Variants in LYN observed in about 807,000 individuals in gnomAD.
The protein encoded by LYN is tyrosine-protein kinase Lyn.
Under a neutral mutation model 65.0 loss-of-function variants are expected in LYN, and 12 were observed. That is an observed-to-expected ratio of 0.18 (90% CI 0.12 to 0.30). LYN has a LOEUF of 0.30. LYN is among the 10% of genes least tolerant of loss of function. LYN has a pLI of 1.00. For synonymous variants in LYN, 222 were observed against 221.2 expected (o/e 1.00, Z -0.03); for missense variants, 380 against 623.2 (o/e 0.61, Z 4.16).
chr8:55,951,246 C>CAAA (rs146943216), intron 6 of LYN, among the ~76,000 whole-genome samples: 3 of 144,976 alleles, frequency 2.1e-5, no homozygotes, highest in African/African-American at 7.6e-5. Context: ...GGCACTGTCT[C>CAAA]AAAAAAAAAA....
At chr8:55,998,523 G>C in intron 11 of LYN, 24 bp downstream of exon 11, 1 of 1,587,696 alleles carries the variant, frequency 6.3e-7, no homozygotes, top group Non-Finnish European at 8.6e-7. Flanking sequence ...ATGATCTTTA[G>C]ATGTTTTATT....
At chr8:55,982,452 T>C (rs1807954220) in intron 10 of LYN, among the ~76,000 whole-genome samples, 1 of 152,164 alleles carries the variant, frequency 6.6e-6, no homozygotes, top group Non-Finnish European at 1.5e-5. Flanking sequence ...ATGGAACCAA[T>C]GGTGTGCTGA....
chr8:55,961,180 G>C (rs757696010), intron 8 of LYN, among the ~76,000 whole-genome samples: 1 of 152,166 alleles, frequency 6.6e-6, no homozygotes, highest in African/African-American at 2.4e-5. Flanking sequence ...TTTGTGGTAC[G>C]TGGGCACTTT....
intron 12 of LYN, among the ~76,000 whole-genome samples, chr8:56,005,679 G>A (rs1056622573): frequency 6.6e-6 from 1 of 151,856 alleles, no homozygotes; most frequent in Non-Finnish European, 1.5e-5. Flanking sequence ...TTTTTGTTTT[G>A]GGATGAATTA....
In LYN at chr8:55,951,957, C is replaced by T; in HGVS notation, c.488-9C>T. 1 of 1,608,094 alleles carries T rather than the reference C, an allele frequency of 6.2e-7. No homozygotes were observed. The highest frequency in any genetic ancestry group is 1.1e-5 in the South Asian group (1 of 89,644). The stretch of plus-strand genomic sequence containing the variant: ...ATATAAACATTTACTTACACTTTTC[C>T]CCCCATAGGAAGCTTCTCTCTGTCT... On this transcript the variant is annotated splice_polypyrimidine_tract_variant and intron_variant, in intron 6 of 12. Transcript: ENST00000519728.
intron 10 of LYN, among the ~76,000 whole-genome samples, chr8:55,974,771 T>C (rs927029267): frequency 2.0e-5 from 3 of 152,222 alleles, no homozygotes; most frequent in South Asian, 4.1e-4. Context: ...GTGAATCAAC[T>C]GCTTTATCTT....
chr8:55,947,540 T>C (rs1806814659), intron 3 of LYN, 78 bp from the exon 4 acceptor site: 1 of 1,004,626 alleles, frequency 1.0e-6, no homozygotes, highest in Non-Finnish European at 1.6e-6. Context: ...CTTCCTCTCA[T>C]CCTTTGTGCC....
intron 8 of LYN, 141 bp from the exon 9 acceptor site, chr8:55,966,574 G>A (rs542399887): frequency 3.2e-6 from 2 of 618,686 alleles, no homozygotes; most frequent in East Asian, 3.0e-5. Flanking sequence ...CACTGTTTTA[G>A]CCAGGCTGGT....
chr8:55,978,203 T>C (rs1202712656), intron 10 of LYN, among the ~76,000 whole-genome samples: 1 of 152,168 alleles, frequency 6.6e-6, no homozygotes, highest in Non-Finnish European at 1.5e-5. Flanking sequence ...ACTGAGCATT[T>C]CAGCAGGAAT....
intron 10 of LYN, among the ~76,000 whole-genome samples, chr8:55,972,010 G>A (rs1807621391): frequency 6.6e-6 from 1 of 152,146 alleles, no homozygotes; most frequent in African/African-American, 2.4e-5. Flanking sequence ...AGGAGGGCCT[G>A]GGGGCAATCA....
intron 1 of LYN, among the ~76,000 whole-genome samples, chr8:55,897,090 G>A (rs1016811521): frequency 6.6e-6 from 1 of 152,094 alleles, no homozygotes; most frequent in Non-Finnish European, 1.5e-5. Flanking sequence ...TGAGCTGGTT[G>A]GAGAACGATG....
At chr8:55,990,413 T>C (rs1808215998) in intron 10 of LYN, among the ~76,000 whole-genome samples, 3 of 152,040 alleles carry the variant, frequency 2.0e-5, no homozygotes, top group South Asian at 4.1e-4. Flanking sequence ...AGAGAACAGA[T>C]GTGAATGTCT....
chr8:56,013,852 A>AAG lies in LYN; in HGVS notation c.*3748_*3749dup, dbSNP rs1210922592. 1 of 152,214 alleles carries AAG rather than the reference A, an allele frequency of 6.6e-6. No homozygotes were observed. The highest frequency in any genetic ancestry group is 3.2e-3 in the Middle Eastern group (1 of 316). 9.4% of individuals were successfully genotyped at this position (152,214 alleles called of 1,614,324 possible). A position where few individuals can be genotyped will look rare whatever the true frequency, so the allele number is the denominator to read the frequency against. On this transcript the variant is annotated 3_prime_UTR_variant, in exon 13 of 13. Transcript: ENST00000519728. ...TTTATTTTCCACTTCTGGCTGGTGGAAGAGAGATCGTAGTTCTCTATTCCC... is the reference window on the plus strand; with the variant it reads ...TTTATTTTCCACTTCTGGCTGGTGGAAGAGAGAGATCGTAGTTCTCTATTCCC...
Position 55,953,840 on chromosome 8 carries a change from G to C in LYN, c.646G>C (p.Asp216His). Residue 216 changes from aspartate (D) to histidine (H), a missense_variant, in exon 8 of 13, where the codon GAT (aspartate) becomes CAT (histidine). Physicochemically the swap from Asp to His is moderately conservative, Grantham distance 81. Coordinates refer to ENST00000519728, the MANE Select transcript of LYN (RefSeq NM_002350.4). ...DMIKHYQKQA[D>H]GLCRRLEKAC... ...TTTCCCTTTCAAATTAGAGCAGGCA[G>C]ATGGCTTGTGCAGAAGATTGGAGAA... 1 of 1,613,850 alleles carries C rather than the reference G, an allele frequency of 6.2e-7. No homozygotes were observed. Among genetic ancestry groups the C allele is most frequent in the Non-Finnish European group, 8.5e-7 (1 of 1,179,886 alleles).
At chr8:55,947,439 T>C (rs1318392111) in intron 3 of LYN, among the ~76,000 whole-genome samples, 179 bp from the exon 4 acceptor site, 1 of 152,234 alleles carries the variant, frequency 6.6e-6, no homozygotes, top group East Asian at 1.9e-4. Context: ...GGACACAGTG[T>C]ATACAGCAAG....
In LYN at chr8:56,014,037, A is replaced by G. The variant is rs1330897236; in HGVS notation, c.*3927A>G. The G allele has an allele frequency of 6.6e-6, 1 of 152,220 alleles. No individual in the cohort carries two copies. The highest frequency in any genetic ancestry group is 2.4e-5 in the African/African-American group (1 of 41,452). 9.4% of individuals were successfully genotyped at this position (152,220 alleles called of 1,614,324 possible). ...GATAAAAATTATCTCTAACTCACAC[A>G]ACGACCCTGGAAGATCTGGACAATG... On this transcript the variant is annotated 3_prime_UTR_variant, in exon 13 of 13. Transcript: ENST00000519728.
At chr8:55,911,748 A>G (rs1285653180) in intron 1 of LYN, among the ~76,000 whole-genome samples, 1 of 152,154 alleles carries the variant, frequency 6.6e-6, no homozygotes, top group African/African-American at 2.4e-5. Context: ...TAGGTTTTGC[A>G]TGTCCGTGGA....
intron 8 of LYN, among the ~76,000 whole-genome samples, chr8:55,959,176 T>G (rs1217042707): frequency 6.6e-6 from 1 of 152,236 alleles, no homozygotes; most frequent in African/African-American, 2.4e-5. Context: ...TTGTGATAGT[T>G]GTCATTTTAA....
intron 10 of LYN, among the ~76,000 whole-genome samples, chr8:55,970,514 A>AT (rs1235843427): frequency 1.3e-5 from 2 of 152,116 alleles, no homozygotes; most frequent in African/African-American, 4.8e-5. Flanking sequence ...GTTTCTCAGT[A>AT]TTGGCAATCG....
Sources: allele counts gnomAD v4.1 joint callset (sites outside exome capture counted in the v4.1 genomes callset), GRCh38; gene constraint gnomAD v4.1.1; transcripts MANE v1.5; gene names NCBI Gene and HGNC (gene_info 2026-07-23, HGNC 2026-07-21).